CELF2: variants seen among roughly 807,000 people sequenced by gnomAD.
The protein encoded by CELF2 is CUGBP Elav-like family member 2.
In CELF2, 8 loss-of-function variants were observed where a neutral mutation model predicts 62.6. The observed-to-expected ratio is 0.13, with a 90% CI of 0.07 to 0.23. CELF2 has a LOEUF of 0.23. CELF2 is among the 10% of genes least tolerant of loss of function. The probability of loss-of-function intolerance (pLI) is 1.00; values close to 1 mark genes in which losing one functional copy is unlikely to be tolerated. For missense variants in CELF2, 333 were observed against 671.0 expected, an observed-to-expected ratio of 0.50 and a Z score of 5.56; for synonymous variants, 258 against 250.0, an observed-to-expected ratio of 1.03 and a Z score of -0.30.
At chr10:11,120,474 A>G (rs1478078364) in intron 1 of CELF2, among the ~76,000 whole-genome samples, 2 of 152,184 alleles carry the variant, frequency 1.3e-5, no homozygotes, top group African/African-American at 2.4e-5. Flanking sequence ...TAAGATTTCA[A>G]GCTTGCTTCT....
At chr10:11,142,339 G>T (rs1456149893) in intron 1 of CELF2, among the ~76,000 whole-genome samples, 2 of 152,140 alleles carry the variant, frequency 1.3e-5, no homozygotes, top group African/African-American at 2.4e-5. Context: ...AGAACTGAAA[G>T]TATCAGTTGG....
At chr10:10,804,746 C>A (rs537579169) in intron 1 of CELF2, among the ~76,000 whole-genome samples, 4 of 152,192 alleles carry the variant, frequency 2.6e-5, no homozygotes, top group Non-Finnish European at 5.9e-5. Flanking sequence ...GAACAGACCC[C>A]GAAATGTTGT....
At chr10:11,065,279 G>GT (rs778294193) in intron 1 of CELF2, among the ~76,000 whole-genome samples, 29 of 152,308 alleles carry the variant, frequency 1.9e-4, no homozygotes, top group Non-Finnish European at 4.3e-4. Flanking sequence ...GTGTATGCAA[G>GT]TATTTGTCTT....
At chr10:11,099,419 A>G (rs1011227444) in intron 1 of CELF2, among the ~76,000 whole-genome samples, 4 of 152,214 alleles carry the variant, frequency 2.6e-5, no homozygotes, top group Non-Finnish European at 4.4e-5. Context: ...GTTTCCCTCC[A>G]GATTTTATTT....
chr10:11,152,714 C>T (rs2063563356), intron 1 of CELF2, among the ~76,000 whole-genome samples: 2 of 152,226 alleles, frequency 1.3e-5, no homozygotes, highest in South Asian at 2.1e-4. Context: ...CTGTAGTTCA[C>T]AATTCCATAG....
chr10:11,023,341 T>A (rs111747081), intron 1 of CELF2, among the ~76,000 whole-genome samples: 1,852 of 152,360 alleles, frequency 0.012, 41 homozygotes, highest in African/African-American at 0.042. Flanking sequence ...AATGTATTTT[T>A]ATTTTTCCTT....
chr10:11,056,048 G>A (rs2065167897), intron 1 of CELF2, among the ~76,000 whole-genome samples: 1 of 152,160 alleles, frequency 6.6e-6, no homozygotes, highest in South Asian at 2.1e-4. Context: ...TAAACAATTG[G>A]TTTCAGCATG....
chr10:10,941,168 G>A (rs1466167125), intron 2 of CELF2, among the ~76,000 whole-genome samples: 1 of 152,214 alleles, frequency 6.6e-6, no homozygotes, highest in Non-Finnish European at 1.5e-5. Flanking sequence ...CAAGAAACAA[G>A]AGCAGAAGGA....
chr10:11,134,365 G>A (rs2060083724), intron 1 of CELF2, among the ~76,000 whole-genome samples: 1 of 152,250 alleles, frequency 6.6e-6, no homozygotes, highest in African/African-American at 2.4e-5. Context: ...AGTTGCTAAG[G>A]GCGGATGAGT....
chr10:10,755,053 A>G, the CELF2 span, among the ~76,000 whole-genome samples: 1 of 152,220 alleles, frequency 6.6e-6, no homozygotes, highest in Non-Finnish European at 1.5e-5. Context: ...TTAAATATAC[A>G]CCAAGGTTAT....
intron 9 of CELF2, among the ~76,000 whole-genome samples, chr10:11,303,927 G>C (rs1213897501): frequency 6.6e-6 from 1 of 152,194 alleles, no homozygotes; most frequent in Non-Finnish European, 1.5e-5. Flanking sequence ...AATAGGCTAA[G>C]GCATGTGACG....
At chr10:10,784,167 T>C in the CELF2 span, among the ~76,000 whole-genome samples, 1 of 152,172 alleles carries the variant, frequency 6.6e-6, no homozygotes, top group Non-Finnish European at 1.5e-5. Context: ...AACAGGGATA[T>C]GCCTCATTTA....
chr10:10,714,396 C>T, the CELF2 span, among the ~76,000 whole-genome samples: 1 of 152,106 alleles, frequency 6.6e-6, no homozygotes, highest in South Asian at 2.1e-4. Context: ...AGGATGGTAG[C>T]TGAATTATAA....
chr10:10,702,321 T>G, the CELF2 span, among the ~76,000 whole-genome samples: 1 of 152,218 alleles, frequency 6.6e-6, no homozygotes, highest in African/African-American at 2.4e-5. Context: ...CTTCACTTCT[T>G]TCTTTTGGCT....
In CELF2 at chr10:11,319,202, G is replaced by A. The variant is rs781290754; in HGVS notation, c.1097-1987G>A. 48 of 423,502 alleles carry A rather than the reference G, an allele frequency of 1.1e-4. No homozygotes were observed. The highest frequency in any genetic ancestry group is 6.0e-4 in the South Asian group (34 of 56,442). The allele number at this position is 423,502 out of a possible 1,614,324, so 26.2% of individuals were successfully genotyped here. On this transcript the variant is annotated intron_variant, in intron 10 of 12. Transcript: ENST00000633077. This position sits in a 1 kb window ranked among gnomAD's most constrained non-coding sequence, Gnocchi z 4.4. ...CGATCATCTGTAATCCACAGCACCC[G>A]TTAACAGCCTGGCCAAAGTGAGACC... is the stretch of plus-strand genomic sequence containing the variant.
chr10:10,651,595 C>A, the CELF2 span, among the ~76,000 whole-genome samples: 3 of 141,910 alleles, frequency 2.1e-5, no homozygotes, highest in East Asian at 5.9e-4. Context: ...TGGGAGGCAC[C>A]CCCCAGCAGG....
chr10:10,919,464 G>T (rs1035639187), intron 1 of CELF2, among the ~76,000 whole-genome samples: 10 of 152,148 alleles, frequency 6.6e-5, no homozygotes, highest in African/African-American at 2.2e-4. Context: ...ACAAAGAAAT[G>T]AAAAACAGCA....
Position 11,314,177 on chromosome 10 carries a change from A to C in CELF2, c.1015A>C (p.Met339Leu). 1 of 1,613,974 alleles carries C rather than the reference A, an allele frequency of 6.2e-7. No individual in the cohort carries two copies. Among genetic ancestry groups the C allele is most frequent in the Non-Finnish European group, 8.5e-7 (1 of 1,179,880 alleles). ...CCCCAACTCCACTGCTGGTGCAGCC[A>C]TGAACTCCTTGACCTCTCTCGGGAC... ...STPNSTAGAAMNSLTSLGTLQ... is the reference protein window; with the variant it reads ...STPNSTAGAALNSLTSLGTLQ... Residue 339 changes from methionine (M) to leucine (L), a missense_variant, in exon 10 of 13, where the codon ATG becomes CTG. Met to Leu is a conservative substitution (Grantham distance 15). Around this residue, in one of 3 missense-constraint regions of CELF2, gnomAD observed 253 missense variants for 503.0 expected, o/e 0.50. Coordinates refer to ENST00000633077, the MANE Select transcript of CELF2 (RefSeq NM_001326342.2). This position sits in a 1 kb window ranked among gnomAD's most constrained non-coding sequence, Gnocchi z 5.3.
At chr10:10,588,591 G>A in the CELF2 span, among the ~76,000 whole-genome samples, 1 of 152,180 alleles carries the variant, frequency 6.6e-6, no homozygotes, top group Non-Finnish European at 1.5e-5. Flanking sequence ...GACTAGCAAG[G>A]AGGCATCTCT....
Sources: gnomAD v4.1 joint callset for allele counts (sites outside exome capture counted in the v4.1 genomes callset) on GRCh38, gnomAD v4.1.1 for gene constraint, gnomAD v4.1.1 regional missense constraint, Gnocchi (gnomAD v3.1) non-coding constraint, MANE v1.5 for transcripts, NCBI Gene and HGNC (gene_info 2026-07-23, HGNC 2026-07-21) for gene names.